Variants in ANKMY2 observed in about 807,000 individuals in gnomAD.
ANKMY2 encodes the protein ankyrin repeat and MYND domain-containing protein 2.
A neutral mutation model predicts 50.4 loss-of-function variants in ANKMY2; 36 were observed. The observed-to-expected ratio is 0.71, with a 90% CI of 0.55 to 0.94. ANKMY2 has a LOEUF of 0.94. Ranked by LOEUF, ANKMY2 falls within the 40% of genes least tolerant of loss-of-function variation. ANKMY2 has a pLI of 0.00. For missense variants in ANKMY2, 565 were observed against 524.0 expected (o/e 1.08, Z -0.76); for synonymous variants, 187 against 178.8 (o/e 1.05, Z -0.36).
intron 4 of ANKMY2, among the ~76,000 whole-genome samples, chr7:16,623,408 T>C (rs1438981397): frequency 6.6e-6 from 1 of 152,118 alleles, no homozygotes; most frequent in African/African-American, 2.4e-5. Flanking sequence ...GAAAGGAGCA[T>C]TGTGTTAATG....
chr7:16,634,591 C>T (rs920185079), intron 2 of ANKMY2, among the ~76,000 whole-genome samples: 6 of 152,140 alleles, frequency 3.9e-5, no homozygotes, highest in South Asian at 4.1e-4. Context: ...GATCAACACA[C>T]GCGTATGTGG....
intron 1 of ANKMY2, among the ~76,000 whole-genome samples, chr7:16,643,072 C>T (rs1388800999): frequency 6.6e-6 from 1 of 152,162 alleles, no homozygotes; most frequent in Non-Finnish European, 1.5e-5. Flanking sequence ...AGCAGTATTT[C>T]GAATGCTTTA....
intron 4 of ANKMY2, 46 bp downstream of exon 4, chr7:16,624,937 G>A: frequency 6.5e-7 from 1 of 1,533,112 alleles, no homozygotes; most frequent in Non-Finnish European, 8.9e-7. Flanking sequence ...TTTCCACAAG[G>A]GAAATTTTGG....
intron 2 of ANKMY2, among the ~76,000 whole-genome samples, chr7:16,635,291 G>A (rs1781642098): frequency 6.6e-6 from 1 of 152,056 alleles, no homozygotes; most frequent in African/African-American, 2.4e-5. Context: ...TGAAATTCTT[G>A]GAAATGCAAA....
intron 5 of ANKMY2, among the ~76,000 whole-genome samples, chr7:16,614,011 C>A (rs985555001): frequency 6.6e-6 from 1 of 151,114 alleles, no homozygotes; most frequent in African/African-American, 2.4e-5. Context: ...CAGAAAAGTA[C>A]AGGGAACTTC....
intron 5 of ANKMY2, among the ~76,000 whole-genome samples, chr7:16,612,987 A>G (rs1458847257): frequency 6.6e-6 from 1 of 152,150 alleles, no homozygotes. Context: ...TTTATTTTTT[A>G]AATCCTATTT....
chr7:16,612,171 A>C (rs1200907804), intron 5 of ANKMY2, among the ~76,000 whole-genome samples: 1 of 152,136 alleles, frequency 6.6e-6, no homozygotes, highest in Non-Finnish European at 1.5e-5. Context: ...CTAAATCAAT[A>C]TCCCAGGGAC....
At chr7:16,644,641 C>T in intron 1 of ANKMY2, 1 of 470,182 alleles carries the variant, frequency 2.1e-6, no homozygotes, top group South Asian at 1.6e-5. Flanking sequence ...ACCATCCCTG[C>T]ACCGTGAGGG....
Position 16,641,608 on chromosome 7 carries a change from C to T in ANKMY2, c.67+3899G>A, listed in dbSNP as rs144013988. On this transcript the variant is annotated intron_variant, in intron 1 of 9. Coordinates refer to ENST00000306999, the MANE Select transcript of ANKMY2 (RefSeq NM_020319.3). Reference sequence around the variant, plus strand: ...TTATTAACGACACAGGACCTTAGAACAGGATCTTATTTCAATAGTCCCAAA... The same window carrying T: ...TTATTAACGACACAGGACCTTAGAATAGGATCTTATTTCAATAGTCCCAAA... 3.7e-3 allele frequency among the ~76,000 whole-genome samples: 568 copies of T among 152,218 alleles called. 3 individuals are homozygous for T. Among genetic ancestry groups the T allele is most frequent in the African/African-American group, 0.013 (549 of 41,522 alleles).
chr7:16,645,577 TC>T lies in ANKMY2; in HGVS notation c.-5del. 6.2e-7 allele frequency: 1 copy of T among 1,610,816 alleles called. No individual in the cohort carries two copies. Among genetic ancestry groups the T allele is most frequent in the Non-Finnish European group, 8.5e-7 (1 of 1,178,532 alleles). Reference sequence around the variant, plus strand: ...CGCCTTTCTTTATGTGAACCATTGCTCCCGCCAGCTTGAAGGTTATTCCCTT... The same window carrying T: ...CGCCTTTCTTTATGTGAACCATTGCTCCGCCAGCTTGAAGGTTATTCCCTT... On this transcript the variant is annotated 5_prime_UTR_variant, in exon 1 of 10. Coordinates refer to ENST00000306999, the MANE Select transcript of ANKMY2 (RefSeq NM_020319.3).
chr7:16,645,742 A>T lies in ANKMY2; in HGVS notation c.-169T>A. The stretch of plus-strand genomic sequence containing the variant: ...TCCTCCCTCCCGCGGGCTGGCGGAC[A>T]GCGGGCGAGCTCGGGCGAGCCAGGC... On this transcript the variant is annotated 5_prime_UTR_variant, in exon 1 of 10. Coordinates refer to ENST00000306999, the MANE Select transcript of ANKMY2 (RefSeq NM_020319.3). 2.8e-6 allele frequency: 2 copies of T among 721,552 alleles called. No individual in the cohort carries two copies. The highest frequency in any genetic ancestry group is 4.1e-6 in the Non-Finnish European group (2 of 483,420). The allele number at this position is 721,552 out of a possible 1,614,324, so 44.7% of individuals were successfully genotyped here.
In ANKMY2 at chr7:16,645,724, T is replaced by C; in HGVS notation, c.-151A>G. The C allele has an allele frequency of 1.2e-6, 1 of 834,104 alleles. No homozygotes were observed. 51.7% of individuals were successfully genotyped at this position (834,104 alleles called of 1,614,324 possible). On this transcript the variant is annotated 5_prime_UTR_variant, in exon 1 of 10. Transcript: ENST00000306999. Reference sequence around the variant, plus strand: ...GGAAACGCTTCGCTTCTCTCCTCCCTCCCGCGGGCTGGCGGACAGCGGGCG... The same window carrying C: ...GGAAACGCTTCGCTTCTCTCCTCCCCCCCGCGGGCTGGCGGACAGCGGGCG...
intron 8 of ANKMY2, among the ~76,000 whole-genome samples, chr7:16,602,752 A>C (rs1450808205): frequency 6.6e-6 from 1 of 152,160 alleles, no homozygotes; most frequent in Non-Finnish European, 1.5e-5. Context: ...TTTTCTCATG[A>C]ACAGTTTAGC....
chr7:16,612,549 G>A (rs1388798324), intron 5 of ANKMY2, among the ~76,000 whole-genome samples: 1 of 152,042 alleles, frequency 6.6e-6, no homozygotes, highest in Non-Finnish European at 1.5e-5. Context: ...AAAGTTGTTT[G>A]ATCAGTATTT....
intron 9 of ANKMY2, 68 bp downstream of exon 9, chr7:16,602,311 TG>T (rs1189982593): frequency 2.2e-5 from 34 of 1,544,500 alleles, no homozygotes; most frequent in Admixed American, 9.9e-5. Context: ...GCAGTTTCAG[TG>T]TGTTAAGATC....
intron 4 of ANKMY2, 117 bp downstream of exon 4, chr7:16,624,866 A>G (rs1423460111): frequency 1.3e-6 from 1 of 793,102 alleles, no homozygotes; most frequent in Admixed American, 2.5e-5. Flanking sequence ...GACTGTAAAT[A>G]CTTAAGTTTT....
chr7:16,626,428 G>A (rs190997275), intron 3 of ANKMY2, among the ~76,000 whole-genome samples: 14 of 151,906 alleles, frequency 9.2e-5, no homozygotes, highest in African/African-American at 3.4e-4. Flanking sequence ...TGGATTCTGT[G>A]GTTTATATAA....
chr7:16,639,386 T>C (rs538343076), intron 1 of ANKMY2, among the ~76,000 whole-genome samples: 13 of 152,320 alleles, frequency 8.5e-5, no homozygotes, highest in African/African-American at 2.9e-4. Flanking sequence ...TTTACCTTCA[T>C]TGGAGATAAG....
chr7:16,602,210 T>C (rs1323892150), intron 9 of ANKMY2, among the ~76,000 whole-genome samples, 170 bp downstream of exon 9: 3 of 152,332 alleles, frequency 2.0e-5, no homozygotes, highest in East Asian at 3.9e-4. Context: ...AGGCTGACTA[T>C]ATCCTAAGAA....
Sources: allele counts gnomAD v4.1 joint callset (sites outside exome capture counted in the v4.1 genomes callset), GRCh38; gene constraint gnomAD v4.1.1; transcripts MANE v1.5; gene names NCBI Gene and HGNC (gene_info 2026-07-23, HGNC 2026-07-21).